Variants in CTNNA3 observed in about 807,000 individuals in gnomAD.
The protein encoded by CTNNA3 is catenin alpha-3.
Under a neutral mutation model 95.7 loss-of-function variants are expected in CTNNA3, and 76 were observed. That is an observed-to-expected ratio of 0.79 (90% CI 0.66 to 0.96). The LOEUF is 0.96. CTNNA3 is among the 40% of genes least tolerant of loss of function. The pLI is 0.00. For synonymous variants in CTNNA3, 431 were observed against 374.4 expected (o/e 1.15, Z -1.74); for missense variants, 1,191 against 1,089.8 (o/e 1.09, Z -1.31).
At chr10:66,452,076 A>T (rs1172704917) in intron 11 of CTNNA3, among the ~76,000 whole-genome samples, 1 of 152,158 alleles carries the variant, frequency 6.6e-6, no homozygotes, top group Admixed American at 6.6e-5. Flanking sequence ...AGTTTTGCTA[A>T]GGACTTTCAC....
intron 9 of CTNNA3, among the ~76,000 whole-genome samples, chr10:66,673,355 T>C (rs1459462321): frequency 6.6e-6 from 1 of 152,114 alleles, no homozygotes; most frequent in Non-Finnish European, 1.5e-5. Flanking sequence ...TTGAAGTTGA[T>C]GTAGCTAAAA....
Position 66,185,935 on chromosome 10 carries a change from CTCTA to C in CTNNA3, c.1885-82690_1885-82687del, listed in dbSNP as rs1180208539. 2.0e-5 allele frequency among the ~76,000 whole-genome samples: 3 copies of C among 151,894 alleles called. No individual in the cohort carries two copies. The East Asian group carries it at 5.8e-4, about 29-fold the overall frequency. On this transcript the variant is annotated intron_variant, in intron 13 of 17. Transcript: ENST00000433211. ...CTCTCTCTCATCACACACTCTCTCT[CTCTA>C]TATATATATACACATACACATATAT...
intron 11 of CTNNA3, among the ~76,000 whole-genome samples, chr10:66,479,381 T>C (rs1839436128): frequency 6.6e-6 from 1 of 152,096 alleles, no homozygotes; most frequent in African/African-American, 2.4e-5. Flanking sequence ...TTATTGACTC[T>C]TTGTACTTTC....
intron 17 of CTNNA3, among the ~76,000 whole-genome samples, chr10:65,962,361 C>T (rs1338314937): frequency 1.3e-5 from 2 of 152,054 alleles, no homozygotes; most frequent in Non-Finnish European, 2.9e-5. Flanking sequence ...TTAACGATGC[C>T]ATTGTTGACT....
At chr10:65,989,064 C>T (rs1243565265) in intron 15 of CTNNA3, among the ~76,000 whole-genome samples, 1 of 152,066 alleles carries the variant, frequency 6.6e-6, no homozygotes, top group Non-Finnish European at 1.5e-5. Context: ...TCTTAGCCCC[C>T]CGAAGAGCTG....
intron 1 of CTNNA3, among the ~76,000 whole-genome samples, chr10:67,704,846 C>A (rs1469387010): frequency 6.6e-6 from 1 of 151,588 alleles, no homozygotes; most frequent in Non-Finnish European, 1.5e-5. Context: ...AGGCAACCTA[C>A]AAAATGGGAG....
At chr10:66,123,546 A>G (rs756356940) in intron 13 of CTNNA3, among the ~76,000 whole-genome samples, 8 of 152,104 alleles carry the variant, frequency 5.3e-5, no homozygotes, top group Admixed American at 5.2e-4. Context: ...CAGATCCACT[A>G]GACAGTGCCC....
At chr10:66,735,107 GA>G (rs1367272474) in intron 9 of CTNNA3, among the ~76,000 whole-genome samples, 5 of 151,738 alleles carry the variant, frequency 3.3e-5, no homozygotes, top group African/African-American at 1.2e-4. Context: ...AGGCAACAGT[GA>G]AAGTTTTCTA....
intron 11 of CTNNA3, among the ~76,000 whole-genome samples, chr10:66,417,627 C>T (rs1324102120): frequency 1.3e-5 from 2 of 151,874 alleles, no homozygotes; most frequent in Admixed American, 6.6e-5. Context: ...ATCTATTGAG[C>T]CACAAAAGAA....
chr10:67,136,800 A>G lies in CTNNA3; in HGVS notation c.1047+43517T>C, dbSNP rs1860327116. Among the ~76,000 whole-genome samples the G allele has an allele frequency of 3.3e-5, 5 of 152,348 alleles. No homozygotes were observed. In the South Asian group the frequency reaches 8.3e-4, roughly 25 times the overall value. On this transcript the variant is annotated intron_variant, in intron 7 of 17. Transcript: ENST00000433211. The stretch of plus-strand genomic sequence containing the variant: ...CAGGGTGAGAATATAGAAAGAAATC[A>G]TCCTAGCAGGGGGAAGGAAGAGTAA...
chr10:65,997,780 G>T (rs1354284912), intron 15 of CTNNA3, among the ~76,000 whole-genome samples: 2 of 152,150 alleles, frequency 1.3e-5, no homozygotes, highest in Non-Finnish European at 2.9e-5. Context: ...ACTTTGGGAG[G>T]CCGAGATGGG....
At chr10:66,632,555 C>CAAAAAAAAAAAAA (rs10559608) in intron 9 of CTNNA3, among the ~76,000 whole-genome samples, 1 of 100,952 alleles carries the variant, frequency 9.9e-6, no homozygotes, top group African/African-American at 3.8e-5. Context: ...AACTCCATCT[C>CAAAAAAAAAAAAA]AAAAAAAAAA....
At chr10:66,202,505 C>T (rs1386930551) in intron 13 of CTNNA3, among the ~76,000 whole-genome samples, 1 of 152,200 alleles carries the variant, frequency 6.6e-6, no homozygotes, top group African/African-American at 2.4e-5. Flanking sequence ...AGTCTCTGAG[C>T]CTACTCTGGT....
intron 9 of CTNNA3, among the ~76,000 whole-genome samples, chr10:66,729,640 G>A (rs1848889754): frequency 6.6e-6 from 1 of 152,178 alleles, no homozygotes; most frequent in African/African-American, 2.4e-5. Context: ...GGGACTCAGG[G>A]GAAAGGGTGG....
chr10:66,234,930 G>C (rs2089776684), intron 13 of CTNNA3, among the ~76,000 whole-genome samples: 2 of 152,280 alleles, frequency 1.3e-5, no homozygotes, highest in Admixed American at 1.3e-4. Flanking sequence ...CATCTGCTAT[G>C]CTGTGTCCTG....
intron 7 of CTNNA3, among the ~76,000 whole-genome samples, chr10:67,151,560 T>C (rs926137916): frequency 1.3e-5 from 2 of 152,168 alleles, no homozygotes; most frequent in African/African-American, 4.8e-5. Context: ...ATATTGTGTA[T>C]CCCTTTTCAC....
chr10:66,115,881 G>C (rs958185728), intron 13 of CTNNA3, among the ~76,000 whole-genome samples: 1 of 152,080 alleles, frequency 6.6e-6, no homozygotes, highest in African/African-American at 2.4e-5. Context: ...ATTACTGTAG[G>C]GGGGTGTTGC....
chr10:67,266,612 A>C (rs1471069479), intron 5 of CTNNA3, among the ~76,000 whole-genome samples: 2 of 152,170 alleles, frequency 1.3e-5, no homozygotes, highest in Non-Finnish European at 2.9e-5. Flanking sequence ...TCTGTAGCTG[A>C]CCCACAGTGA....
At chr10:67,144,084 C>T (rs371412808) in intron 7 of CTNNA3, among the ~76,000 whole-genome samples, 26 of 152,318 alleles carry the variant, frequency 1.7e-4, no homozygotes, top group African/African-American at 5.3e-4. Context: ...ATGAAAACTC[C>T]ATTTATTTCT....
Sources: gnomAD v4.1 joint callset for allele counts (sites outside exome capture counted in the v4.1 genomes callset) on GRCh38, gnomAD v4.1.1 for gene constraint, MANE v1.5 for transcripts, NCBI Gene and HGNC (gene_info 2026-07-23, HGNC 2026-07-21) for gene names.